FBXL5: variants seen among roughly 807,000 people sequenced by gnomAD.
The protein encoded by FBXL5 is F-box and leucine rich repeat protein 5.
A neutral mutation model predicts 78.3 loss-of-function variants in FBXL5; 26 were observed. The observed-to-expected ratio is 0.33, with a 90% CI of 0.24 to 0.46. FBXL5 has a LOEUF of 0.46. FBXL5 is among the 20% of genes least tolerant of loss of function. FBXL5 has a pLI of 1.00. For synonymous variants in FBXL5, 295 were observed against 282.5 expected (o/e 1.04, Z -0.45); for missense variants, 710 against 829.2 (o/e 0.86, Z 1.77).
Position 15,612,429 on chromosome 4 carries a change from A to G in FBXL5, c.1851-15T>C, listed in dbSNP as rs777212928. ...GAGTCAAAACCCTGTAAGAAAAATA[A>G]TTTGACAATTAGAAGATACTAATCT... On this transcript the variant is annotated splice_polypyrimidine_tract_variant and intron_variant, in intron 9 of 10. Coordinates refer to ENST00000341285, the MANE Select transcript of FBXL5 (RefSeq NM_012161.4). 1.9e-5 allele frequency: 31 copies of G among 1,590,796 alleles called. No individual in the cohort carries two copies. Among genetic ancestry groups the G allele is most frequent in the Non-Finnish European group, 2.6e-5 (31 of 1,174,654 alleles).
At chr4:15,623,499 C>T (rs1462956741) in intron 9 of FBXL5, among the ~76,000 whole-genome samples, 1 of 141,892 alleles carries the variant, frequency 7.0e-6, no homozygotes, top group Non-Finnish European at 1.6e-5. Flanking sequence ...TAAGGTATGA[C>T]AGTAATAAAA....
At chr4:15,611,578 A>T (rs1033476640) in intron 10 of FBXL5, among the ~76,000 whole-genome samples, 1 of 152,160 alleles carries the variant, frequency 6.6e-6, no homozygotes, top group Non-Finnish European at 1.5e-5. Context: ...GCAAAAAGGC[A>T]CTGAACATAC....
intron 1 of FBXL5, among the ~76,000 whole-genome samples, chr4:15,648,192 C>T (rs1715568742): frequency 6.6e-6 from 1 of 152,118 alleles, no homozygotes; most frequent in Non-Finnish European, 1.5e-5. Flanking sequence ...ATAAAGAACA[C>T]AGAATATAAG....
chr4:15,611,161 G>C (rs911685957), intron 10 of FBXL5, among the ~76,000 whole-genome samples: 3 of 152,120 alleles, frequency 2.0e-5, no homozygotes, highest in Non-Finnish European at 4.4e-5. Context: ...GTCCAACTTA[G>C]TGCTGATATA....
In FBXL5 at chr4:15,622,444, A is replaced by G. The variant is rs559799972; in HGVS notation, c.1850+2808T>C. ...TTCCTCAGTCTCTCAGGAAATGTACACAGAATGCCCTAATTTTATCTCTCT... is the reference window on the plus strand; with the variant it reads ...TTCCTCAGTCTCTCAGGAAATGTACGCAGAATGCCCTAATTTTATCTCTCT... On this transcript the variant is annotated intron_variant, in intron 9 of 10. Coordinates refer to ENST00000341285, the MANE Select transcript of FBXL5 (RefSeq NM_012161.4). Among the ~76,000 whole-genome samples, 4 of 152,350 alleles carry G rather than the reference A, an allele frequency of 2.6e-5. No individual in the cohort carries two copies. The East Asian group carries it at 7.7e-4, about 29-fold the overall frequency.
At chr4:15,652,713 T>C (rs570877548) in intron 1 of FBXL5, among the ~76,000 whole-genome samples, 7 of 152,180 alleles carry the variant, frequency 4.6e-5, no homozygotes, top group Non-Finnish European at 1.0e-4. Context: ...AGTAAATAAA[T>C]GGATGCTTCT....
At position 15,605,363 on chromosome 4, in the gene FBXL5, T is replaced by G. The variant is rs1427751891; in HGVS notation, c.*360A>C. 1 of 176,672 alleles carries G rather than the reference T, an allele frequency of 5.7e-6. No individual in the cohort carries two copies. Among genetic ancestry groups the G allele is most frequent in the African/African-American group, 2.4e-5 (1 of 42,462 alleles). 10.9% of individuals were successfully genotyped at this position (176,672 alleles called of 1,614,324 possible). ...AAGATCTGCAAAGCTTGGTACAGTG[T>G]TAATGTGTAAAGAGAACCAATCACC... is the stretch of plus-strand genomic sequence containing the variant. On this transcript the variant is annotated 3_prime_UTR_variant, in exon 11 of 11. Coordinates refer to ENST00000341285, the MANE Select transcript of FBXL5 (RefSeq NM_012161.4).
intron 6 of FBXL5, among the ~76,000 whole-genome samples, chr4:15,630,174 T>C (rs1713474178): frequency 1.3e-5 from 2 of 152,222 alleles, no homozygotes; most frequent in African/African-American, 4.8e-5. Flanking sequence ...CTACATTAGT[T>C]TTTGTAATCC....
chr4:15,649,526 G>C (rs1441942463), intron 1 of FBXL5, among the ~76,000 whole-genome samples: 1 of 140,518 alleles, frequency 7.1e-6, no homozygotes, highest in East Asian at 2.1e-4. Context: ...GTTGCAGTGA[G>C]CCAAGATCAC....
In FBXL5 at chr4:15,644,579, G is replaced by A. The variant is rs200433479; in HGVS notation, c.214C>T (p.Arg72Cys). ...TGTACATTATAAATGGTCTGGCTGC[G>A]TTGTTGAAGCAAACCAATAATGTAT... ...NEYIIGLLQQ[R>C]SQTIYNVHSD... Residue 72 changes from arginine to cysteine, a missense_variant, in exon 2 of 11, where the codon CGC (arginine) becomes TGC (cysteine). This residue lies in a region of FBXL5 where 132 missense variants were observed against 156.9 expected (regional missense o/e 0.84). Coordinates refer to ENST00000341285, the MANE Select transcript of FBXL5 (RefSeq NM_012161.4). The A allele has an allele frequency of 1.2e-6, 2 of 1,614,016 alleles. No individual in the cohort carries two copies. Among genetic ancestry groups the A allele is most frequent in the Non-Finnish European group, 1.7e-6 (2 of 1,179,976 alleles).
chr4:15,679,666 G>T (rs1577526329), intron 1 of FBXL5, among the ~76,000 whole-genome samples: 1 of 148,570 alleles, frequency 6.7e-6, no homozygotes, highest in African/African-American at 2.5e-5. Flanking sequence ...AGTTATTTTT[G>T]TTATATGTTT....
At chr4:15,656,982 G>A (rs908889742), upstream of FBXL5, among the ~76,000 whole-genome samples, 4 of 152,296 alleles carry the variant, frequency 2.6e-5, no homozygotes, top group African/African-American at 9.6e-5. Context: ...GGGATACAGA[G>A]ATGGCTTATT....
intron 1 of FBXL5, among the ~76,000 whole-genome samples, chr4:15,654,733 G>GT (rs1442244102): frequency 6.6e-6 from 1 of 152,238 alleles, no homozygotes; most frequent in Non-Finnish European, 1.5e-5. Flanking sequence ...GGATGGGTGG[G>GT]TGTCTGCACG....
intron 1 of FBXL5, among the ~76,000 whole-genome samples, chr4:15,649,051 TA>T (rs1715655454): frequency 6.6e-6 from 1 of 152,116 alleles, no homozygotes; most frequent in African/African-American, 2.4e-5. Context: ...CAGATCAAGT[TA>T]AATTCTTGGT....
At chr4:15,638,482 T>C (rs757312704) in intron 4 of FBXL5, 26 bp downstream of exon 4, 7 of 1,518,166 alleles carry the variant, frequency 4.6e-6, no homozygotes, top group African/African-American at 1.4e-5. Flanking sequence ...AACTAATAAA[T>C]TGTTCTTTAT....
At chr4:15,628,772 GACACACACACACACACGC>G (rs59913889) in intron 6 of FBXL5, among the ~76,000 whole-genome samples, 42,787 of 140,286 alleles carry the variant, frequency 0.3, 6,273 homozygotes, top group East Asian at 0.48. Flanking sequence ...GCCAGACACA[GACACACACACACACACGC>G]ACACACACAC....
chr4:15,644,374 G>A, intron 2 of FBXL5, 119 bp downstream of exon 2: 1 of 797,276 alleles, frequency 1.3e-6, no homozygotes. Context: ...TTTAACAAGT[G>A]ACAAAATAAT....
At chr4:15,635,675 C>A (rs962473114) in intron 5 of FBXL5, among the ~76,000 whole-genome samples, 1 of 151,474 alleles carries the variant, frequency 6.6e-6, no homozygotes, top group Non-Finnish European at 1.5e-5. Context: ...ATCACTTGAA[C>A]CTGGGAGGCA....
intron 1 of FBXL5, 78 bp downstream of exon 1, chr4:15,655,126 C>A: frequency 3.4e-6 from 4 of 1,185,758 alleles, no homozygotes; most frequent in South Asian, 2.1e-5. Flanking sequence ...GCGGCGCAGG[C>A]CAGGCCGCCC....
Sources: allele counts gnomAD v4.1 joint callset (sites outside exome capture counted in the v4.1 genomes callset), GRCh38; gene constraint gnomAD v4.1.1; regional missense constraint gnomAD v4.1.1; transcripts MANE v1.5; gene names NCBI Gene and HGNC (gene_info 2026-07-23, HGNC 2026-07-21).